Variants in BTC observed in about 807,000 individuals in gnomAD.
BTC encodes the protein probetacellulin.
Under a neutral mutation model 18.1 loss-of-function variants are expected in BTC, and 13 were observed. The observed-to-expected ratio is 0.72, with a 90% CI of 0.47 to 1.14. The LOEUF (loss-of-function observed/expected upper bound fraction) is 1.14, where lower values mean the gene tolerates loss of function less well. Ranked by LOEUF, BTC falls within the 50% of genes most tolerant of loss-of-function variation. The pLI is 0.00. For synonymous variants in BTC, 83 were observed against 79.4 expected, an observed-to-expected ratio of 1.05 and a Z score of -0.24; for missense variants, 247 against 224.2, an observed-to-expected ratio of 1.10 and a Z score of -0.65.
At chr4:74,775,599 A>G (rs1410731227) in intron 1 of BTC, among the ~76,000 whole-genome samples, 1 of 152,324 alleles carries the variant, frequency 6.6e-6, no homozygotes, top group Admixed American at 6.5e-5. Flanking sequence ...AGAAATTTCA[A>G]TCTCTTCCGA....
intron 4 of BTC, among the ~76,000 whole-genome samples, chr4:74,749,429 G>C (rs1226331491): frequency 1.3e-5 from 2 of 151,638 alleles, no homozygotes; most frequent in African/African-American, 4.9e-5. Context: ...GTTGCAGTGA[G>C]CCAAGATCAC....
At chr4:74,752,615 G>A (rs1724494360) in intron 3 of BTC, among the ~76,000 whole-genome samples, 1 of 151,888 alleles carries the variant, frequency 6.6e-6, no homozygotes. Context: ...TCTTGACCTC[G>A]TGATCCTCCC....
chr4:74,778,098 A>C (rs1725224746), intron 1 of BTC, among the ~76,000 whole-genome samples: 1 of 151,898 alleles, frequency 6.6e-6, no homozygotes, highest in Non-Finnish European at 1.5e-5. Context: ...CTGAGATGAA[A>C]ACTGTGAAAT....
chr4:74,758,250 A>C (rs1374805589), intron 2 of BTC, among the ~76,000 whole-genome samples: 1 of 152,256 alleles, frequency 6.6e-6, no homozygotes, highest in Non-Finnish European at 1.5e-5. Context: ...CTCAGATATC[A>C]GTAGGCTGAA....
chr4:74,778,802 G>A (rs1385148859), intron 1 of BTC, among the ~76,000 whole-genome samples: 2 of 152,144 alleles, frequency 1.3e-5, no homozygotes, highest in African/African-American at 2.4e-5. Flanking sequence ...ACCTGGCATG[G>A]GGAGGAGCTG....
chr4:74,775,633 T>G (rs1223962994), intron 1 of BTC, among the ~76,000 whole-genome samples: 1 of 152,196 alleles, frequency 6.6e-6, no homozygotes, highest in African/African-American at 2.4e-5. Context: ...AAGGAGACTA[T>G]TCATCAATTC....
chr4:74,766,092 T>C (rs554101312), intron 2 of BTC, among the ~76,000 whole-genome samples: 22 of 152,150 alleles, frequency 1.4e-4, no homozygotes, highest in Non-Finnish European at 2.6e-4. Flanking sequence ...GATATAAAAG[T>C]TTGCAAATAG....
At chr4:74,764,454 G>A (rs1211578263) in intron 2 of BTC, among the ~76,000 whole-genome samples, 1 of 152,118 alleles carries the variant, frequency 6.6e-6, no homozygotes, top group Non-Finnish European at 1.5e-5. Context: ...ACAACAAAAT[G>A]GCTTAGAATG....
chr4:74,773,248 C>T (rs1191798932), intron 1 of BTC, among the ~76,000 whole-genome samples: 1 of 152,148 alleles, frequency 6.6e-6, no homozygotes, highest in Non-Finnish European at 1.5e-5. Context: ...TCTCGCAAGA[C>T]AGATCTGAAA....
chr4:74,746,694 A>G lies in BTC; in HGVS notation c.*2-19T>C, dbSNP rs1724299528. On this transcript the variant is annotated intron_variant, in intron 5 of 5. Coordinates refer to ENST00000395743, the MANE Select transcript of BTC (RefSeq NM_001729.4). Reference sequence around the variant, plus strand: ...ATAGCCTCTGAGAATGAAGAAAATAACAGCACATCACTTAAAAGAAATGGA... The same window carrying G: ...ATAGCCTCTGAGAATGAAGAAAATAGCAGCACATCACTTAAAAGAAATGGA... 1 of 152,666 alleles carries G rather than the reference A, an allele frequency of 6.6e-6. No homozygotes were observed. The highest frequency in any genetic ancestry group is 2.4e-5 in the African/African-American group (1 of 41,464). The allele number at this position is 152,666 out of a possible 1,614,324, so 9.5% of individuals were successfully genotyped here.
At chr4:74,748,343 T>C (rs782430088) in intron 4 of BTC, among the ~76,000 whole-genome samples, 194 bp from the exon 5 acceptor site, 15 of 152,056 alleles carry the variant, frequency 9.9e-5, no homozygotes, top group Admixed American at 3.9e-4. Flanking sequence ...GGTCAGGAGA[T>C]TGAGACCACG....
chr4:74,794,192 G>C, intron 1 of BTC, 70 bp downstream of exon 1: 1 of 1,535,962 alleles, frequency 6.5e-7, no homozygotes, highest in Non-Finnish European at 8.8e-7. Flanking sequence ...CTCGGTTCAG[G>C]GTTCGCCCTC....
chr4:74,760,043 C>T (rs1287929577), intron 2 of BTC, among the ~76,000 whole-genome samples: 1 of 152,122 alleles, frequency 6.6e-6, no homozygotes, highest in African/African-American at 2.4e-5. Context: ...TTCATAAAAC[C>T]TTTGCTTATT....
intron 1 of BTC, among the ~76,000 whole-genome samples, chr4:74,773,342 A>G (rs1051500528): frequency 1.3e-5 from 2 of 152,158 alleles, no homozygotes; most frequent in Middle Eastern, 3.2e-3. Flanking sequence ...TCCTGCACTT[A>G]TTTATTTTAA....
intron 2 of BTC, among the ~76,000 whole-genome samples, chr4:74,758,966 C>T (rs1180687893): frequency 3.9e-5 from 6 of 152,094 alleles, no homozygotes; most frequent in African/African-American, 1.2e-4. Flanking sequence ...CACACACACA[C>T]ATACACACAT....
At chr4:74,755,543 C>T (rs1724574330) in intron 3 of BTC, among the ~76,000 whole-genome samples, 1 of 152,218 alleles carries the variant, frequency 6.6e-6, no homozygotes, top group Non-Finnish European at 1.5e-5. Flanking sequence ...CAGAATAATT[C>T]ATTTCCATTT....
intron 2 of BTC, among the ~76,000 whole-genome samples, chr4:74,762,091 T>A (rs1553957392): frequency 6.6e-6 from 1 of 152,244 alleles, no homozygotes; most frequent in African/African-American, 2.4e-5. Context: ...TAGAAAATGA[T>A]ACAGTCAGTA....
intron 1 of BTC, among the ~76,000 whole-genome samples, chr4:74,770,651 A>G (rs1202045580): frequency 1.3e-5 from 2 of 152,050 alleles, no homozygotes; most frequent in African/African-American, 2.4e-5. Flanking sequence ...CTAGCTAAGA[A>G]TCTCTGTTTC....
chr4:74,754,780 G>A (rs1479479620), intron 3 of BTC, among the ~76,000 whole-genome samples: 1 of 152,048 alleles, frequency 6.6e-6, no homozygotes, highest in African/African-American at 2.4e-5. Context: ...TCATTTTAGA[G>A]GGCAGCAATA....
Sources: gnomAD v4.1 joint callset for allele counts (sites outside exome capture counted in the v4.1 genomes callset) on GRCh38, gnomAD v4.1.1 for gene constraint, MANE v1.5 for transcripts, NCBI Gene and HGNC (gene_info 2026-07-23, HGNC 2026-07-21) for gene names.